RALGAPA2: variants seen among roughly 807,000 people sequenced by gnomAD.
The protein encoded by RALGAPA2 is Ral GTPase activating protein catalytic subunit alpha 2, also known as ral GTPase-activating protein subunit alpha-2.
Under a neutral mutation model 230.4 loss-of-function variants are expected in RALGAPA2, and 139 were observed. That is an observed-to-expected ratio of 0.60 (90% CI 0.53 to 0.69). RALGAPA2 has a LOEUF of 0.69. Among genes scored for constraint, RALGAPA2 ranks in the 30% least tolerant of loss-of-function variants. The probability of loss-of-function intolerance (pLI) is 0.00; values close to 1 mark genes in which losing one functional copy is unlikely to be tolerated. For missense variants in RALGAPA2, 2,163 were observed against 2,276.0 expected, an observed-to-expected ratio of 0.95 and a Z score of 1.01; for synonymous variants, 847 against 837.8, an observed-to-expected ratio of 1.01 and a Z score of -0.19.
intron 37 of RALGAPA2, among the ~76,000 whole-genome samples, chr20:20,422,416 T>G (rs1025757440): frequency 6.6e-6 from 1 of 152,018 alleles, no homozygotes; most frequent in South Asian, 2.1e-4. Flanking sequence ...CTGGGCAACA[T>G]AGTGAGACCC....
intron 9 of RALGAPA2, among the ~76,000 whole-genome samples, chr20:20,634,861 C>G (rs1466123714): frequency 6.6e-6 from 1 of 152,200 alleles, no homozygotes; most frequent in African/African-American, 2.4e-5. Flanking sequence ...AGAAAAAGCA[C>G]AACAGGCCCC....
At chr20:20,532,975 A>G (rs2063405469) in intron 26 of RALGAPA2, among the ~76,000 whole-genome samples, 1 of 152,034 alleles carries the variant, frequency 6.6e-6, no homozygotes, top group Non-Finnish European at 1.5e-5. Flanking sequence ...CTCTAAAAGA[A>G]GGAAAGGGAG....
At chr20:20,514,986 C>T (rs1269298000) in intron 31 of RALGAPA2, among the ~76,000 whole-genome samples, 1 of 152,216 alleles carries the variant, frequency 6.6e-6, no homozygotes, top group Admixed American at 6.5e-5. Context: ...ACTGGATTCT[C>T]CCTCAGCACT....
chr20:20,416,874 C>T (rs534177772), intron 37 of RALGAPA2, among the ~76,000 whole-genome samples: 2 of 152,292 alleles, frequency 1.3e-5, no homozygotes, highest in African/African-American at 4.8e-5. Context: ...CAAGAGTGGA[C>T]ATGACGCTCA....
intron 37 of RALGAPA2, among the ~76,000 whole-genome samples, chr20:20,421,731 C>T (rs1175937356): frequency 6.6e-6 from 1 of 152,114 alleles, no homozygotes. Flanking sequence ...AACAGTTTGG[C>T]AGTTCCTCAA....
At chr20:20,488,021 T>G (rs2061957379) in intron 36 of RALGAPA2, among the ~76,000 whole-genome samples, 1 of 151,946 alleles carries the variant, frequency 6.6e-6, no homozygotes, top group Admixed American at 6.6e-5. Flanking sequence ...CCAAAACCAA[T>G]GCCCCACCCC....
chr20:20,587,192 C>T (rs1207984417), intron 18 of RALGAPA2, among the ~76,000 whole-genome samples: 1 of 152,022 alleles, frequency 6.6e-6, no homozygotes, highest in South Asian at 2.1e-4. Flanking sequence ...CAGACAGGAC[C>T]GGATGGACAG....
chr20:20,482,047 C>T (rs1163148299), intron 36 of RALGAPA2, among the ~76,000 whole-genome samples: 1 of 152,094 alleles, frequency 6.6e-6, no homozygotes, highest in African/African-American at 2.4e-5. Flanking sequence ...TTCCTACATT[C>T]CTATCTCTGT....
chr20:20,413,371 C>T (rs1377569416), intron 37 of RALGAPA2, among the ~76,000 whole-genome samples: 7 of 152,106 alleles, frequency 4.6e-5, no homozygotes, highest in Non-Finnish European at 2.9e-5. Context: ...GTGTGCACAC[C>T]GATCTCTAAA....
chr20:20,411,690 G>C (rs2060062999), intron 38 of RALGAPA2, among the ~76,000 whole-genome samples: 1 of 152,156 alleles, frequency 6.6e-6, no homozygotes, highest in Admixed American at 6.5e-5. Flanking sequence ...TTTTTGATAA[G>C]TAAGCACTGA....
Position 20,639,973 on chromosome 20 carries a change from T to C in RALGAPA2, c.551-73A>G, listed in dbSNP as rs374663163. ...TAAACAGAATTTAGGGTTTTAAAAATGGTCTCTATTAAAATACATCTCTCC... is the reference window on the plus strand; with the variant it reads ...TAAACAGAATTTAGGGTTTTAAAAACGGTCTCTATTAAAATACATCTCTCC... On this transcript the variant is annotated intron_variant, in intron 6 of 39. Transcript: ENST00000202677. 3.1e-4 allele frequency: 350 copies of C among 1,146,606 alleles called. 2 individuals are homozygous for C. Among genetic ancestry groups the C allele is most frequent in the South Asian group, 2.2e-3 (179 of 80,364 alleles). 71.0% of individuals were successfully genotyped at this position (1,146,606 alleles called of 1,614,324 possible). A position where few individuals can be genotyped will look rare whatever the true frequency, so the allele number is the denominator to read the frequency against.
chr20:20,534,323 T>G (rs2063444271), intron 26 of RALGAPA2, among the ~76,000 whole-genome samples: 1 of 151,964 alleles, frequency 6.6e-6, no homozygotes, highest in Non-Finnish European at 1.5e-5. Flanking sequence ...CAGGCGCCTG[T>G]AGTCCCAGCT....
intron 28 of RALGAPA2, among the ~76,000 whole-genome samples, chr20:20,525,577 G>T (rs555607984): frequency 6.6e-6 from 1 of 152,316 alleles, no homozygotes; most frequent in African/African-American, 2.4e-5. Flanking sequence ...TTTCCTCGAA[G>T]AGTTACCACT....
chr20:20,396,345 C>T (rs886791851), intron 39 of RALGAPA2, among the ~76,000 whole-genome samples: 1 of 152,292 alleles, frequency 6.6e-6, no homozygotes, highest in Admixed American at 6.5e-5. Context: ...CATCTCAAGA[C>T]CCTGCTCCTT....
chr20:20,403,204 CTG>C (rs2122692965), intron 38 of RALGAPA2, among the ~76,000 whole-genome samples: 1 of 152,332 alleles, frequency 6.6e-6, no homozygotes, highest in African/African-American at 2.4e-5. Context: ...CCTTTCCCGT[CTG>C]GAAGGTGAGC....
chr20:20,580,295 C>T (rs1167727662), intron 20 of RALGAPA2, among the ~76,000 whole-genome samples: 3 of 152,170 alleles, frequency 2.0e-5, no homozygotes, highest in Non-Finnish European at 4.4e-5. Context: ...ACTGCCACTT[C>T]CAGGGTTAGC....
intron 16 of RALGAPA2, among the ~76,000 whole-genome samples, chr20:20,593,014 C>T (rs967955230): frequency 1.3e-5 from 2 of 152,104 alleles, no homozygotes; most frequent in African/African-American, 4.8e-5. Flanking sequence ...ACCCCCCTGG[C>T]TCAACTGATT....
intron 23 of RALGAPA2, among the ~76,000 whole-genome samples, chr20:20,570,422 G>A (rs1001090214): frequency 2.0e-5 from 3 of 151,962 alleles, no homozygotes; most frequent in East Asian, 1.9e-4. Flanking sequence ...TACCTTCAAC[G>A]AATACAAAAA....
At chr20:20,558,606 A>T (rs1415176355) in intron 23 of RALGAPA2, among the ~76,000 whole-genome samples, 5 of 152,050 alleles carry the variant, frequency 3.3e-5, no homozygotes, top group African/African-American at 9.7e-5. Flanking sequence ...CATGGGGTGT[A>T]AGGGAGTGTG....
Sources: allele counts gnomAD v4.1 joint callset (sites outside exome capture counted in the v4.1 genomes callset), GRCh38; gene constraint gnomAD v4.1.1; transcripts MANE v1.5; gene names NCBI Gene and HGNC (gene_info 2026-07-23, HGNC 2026-07-21).